Variants in DNAJB14 observed in about 807,000 individuals in gnomAD.
DNAJB14 encodes the protein dnaJ homolog subfamily B member 14.
A neutral mutation model predicts 48.4 loss-of-function variants in DNAJB14; 22 were observed. The observed-to-expected ratio is 0.45, with a 90% confidence interval of 0.32 to 0.65. The LOEUF (loss-of-function observed/expected upper bound fraction) is 0.65, where lower values mean the gene tolerates loss of function less well. Ranked by LOEUF, DNAJB14 falls within the 30% of genes least tolerant of loss-of-function variation. DNAJB14 has a pLI of 0.03. For synonymous variants in DNAJB14, 142 were observed against 158.7 expected (o/e 0.89, Z 0.79); for missense variants, 319 against 458.8 (o/e 0.70, Z 2.78).
At chr4:99,901,523 C>A (rs1725295057) in intron 7 of DNAJB14, among the ~76,000 whole-genome samples, 1 of 151,902 alleles carries the variant, frequency 6.6e-6, no homozygotes, top group South Asian at 2.1e-4. Context: ...TTCACTGTGG[C>A]CTTCTGTTAA....
At chr4:99,938,311 A>G (rs1726762404) in intron 1 of DNAJB14, among the ~76,000 whole-genome samples, 1 of 149,316 alleles carries the variant, frequency 6.7e-6, no homozygotes, top group Non-Finnish European at 1.5e-5. Flanking sequence ...ATAAAACATC[A>G]TGGCCACATA....
At chr4:99,929,999 T>C (rs1726402398) in intron 2 of DNAJB14, 1 of 152,260 alleles carries the variant, frequency 6.6e-6, no homozygotes, top group African/African-American at 2.4e-5. Flanking sequence ...AGTGTCTGCA[T>C]ATATATAAAG....
At chr4:99,905,865 T>C (rs1018160395) in intron 5 of DNAJB14, 159 bp from the exon 6 acceptor site, 1 of 778,118 alleles carries the variant, frequency 1.3e-6, no homozygotes, top group Admixed American at 6.3e-5. Context: ...TTCTTAAATA[T>C]AATTATCCAG....
At chr4:99,925,849 G>T (rs530111770) in intron 2 of DNAJB14, 6 of 152,076 alleles carry the variant, frequency 3.9e-5, no homozygotes, top group Non-Finnish European at 8.8e-5. Context: ...ATAAAGGAAG[G>T]CCTCACAGTT....
chr4:99,923,232 T>C (rs35945304), intron 2 of DNAJB14, 47 bp from the exon 3 acceptor site: 1 of 1,492,310 alleles, frequency 6.7e-7, no homozygotes, highest in Non-Finnish European at 9.1e-7. Context: ...AGGAAGACGG[T>C]CATGTAATAT....
chr4:99,933,818 A>G (rs1304357334), intron 1 of DNAJB14, among the ~76,000 whole-genome samples: 1 of 152,132 alleles, frequency 6.6e-6, no homozygotes, highest in East Asian at 1.9e-4. Context: ...GTGGGGAAAA[A>G]CCACCAACTG....
intron 1 of DNAJB14, among the ~76,000 whole-genome samples, chr4:99,933,210 C>T (rs1213447099): frequency 6.7e-6 from 1 of 149,106 alleles, no homozygotes; most frequent in East Asian, 2.0e-4. Context: ...TATTATGTCT[C>T]AATAATGTCT....
chr4:99,946,488 C>CTGGGCCTTCTCGCAA lies in DNAJB14; in HGVS notation c.83_84insTTGCGAGAAGGCCCA (p.Ala27_Gln28insHisCysGluLysAla). ...GCTTCTCGGCCTTCTGCAGGAAGCGCTGGGCCTTCTCGCGGTTGCCGGCGT... is the reference window on the plus strand; with the variant it reads ...GCTTCTCGGCCTTCTGCAGGAAGCGCTGGGCCTTCTCGCAATGGGCCTTCTCGCGGTTGCCGGCGT... On this transcript the variant is annotated inframe_insertion, in exon 1 of 8. Coordinates refer to ENST00000442697, the MANE Select transcript of DNAJB14 (RefSeq NM_001031723.4). The CTGGGCCTTCTCGCAA allele has an allele frequency of 1.2e-6, 2 of 1,613,758 alleles. No homozygotes were observed. Among genetic ancestry groups the CTGGGCCTTCTCGCAA allele is most frequent in the Non-Finnish European group, 1.7e-6 (2 of 1,179,790 alleles).
At chr4:99,908,556 TAATATTTTTCTCCTGCTTTCATGAA>T (rs546585123) in intron 4 of DNAJB14, among the ~76,000 whole-genome samples, 130 bp downstream of exon 4, 66 of 152,234 alleles carry the variant, frequency 4.3e-4, no homozygotes, top group African/African-American at 1.5e-3. Flanking sequence ...GTAATAACCC[TAATATTTTTCTCCTGCTTTCATGAA>T]AAACCATTAC....
intron 1 of DNAJB14, among the ~76,000 whole-genome samples, chr4:99,934,789 CAAA>C (rs1167945149): frequency 3.0e-4 from 2 of 6,770 alleles, no homozygotes; most frequent in African/African-American, 6.2e-4. Context: ...AAGACTGTCT[CAAA>C]AAAAAAAAAA....
At chr4:99,923,010 A>G in intron 3 of DNAJB14, 30 bp downstream of exon 3, 1 of 1,576,060 alleles carries the variant, frequency 6.3e-7, no homozygotes, top group Non-Finnish European at 8.6e-7. Flanking sequence ...AAGACAGCTT[A>G]GTAAAATTGC....
chr4:99,924,726 A>T, intron 2 of DNAJB14: 1 of 1,609,710 alleles, frequency 6.2e-7, no homozygotes, highest in Non-Finnish European at 8.5e-7. Flanking sequence ...GTGATAGAAA[A>T]AAAGGAAATG....
intron 3 of DNAJB14, among the ~76,000 whole-genome samples, chr4:99,910,848 T>G (rs1578216430): frequency 6.6e-6 from 1 of 152,084 alleles, no homozygotes; most frequent in Non-Finnish European, 1.5e-5. Context: ...TCATTTATTT[T>G]TCTTTAAACT....
intron 1 of DNAJB14, among the ~76,000 whole-genome samples, chr4:99,946,159 G>A (rs543757308): frequency 6.6e-6 from 1 of 152,226 alleles, no homozygotes; most frequent in African/African-American, 2.4e-5. Context: ...TCTCCTCCAG[G>A]GAGAATGAAA....
chr4:99,921,109 G>A (rs868192366), intron 3 of DNAJB14, among the ~76,000 whole-genome samples: 4 of 152,334 alleles, frequency 2.6e-5, no homozygotes, highest in African/African-American at 9.6e-5. Context: ...CGCCAAGCGT[G>A]TGTGGATTAC....
chr4:99,921,425 T>C (rs929420763), intron 3 of DNAJB14, among the ~76,000 whole-genome samples: 4 of 152,212 alleles, frequency 2.6e-5, no homozygotes, highest in African/African-American at 7.2e-5. Flanking sequence ...GTTGCTAACC[T>C]ATTCAAAACG....
chr4:99,936,791 G>A (rs1289025537), intron 1 of DNAJB14, among the ~76,000 whole-genome samples: 1 of 152,186 alleles, frequency 6.6e-6, no homozygotes, highest in Non-Finnish European at 1.5e-5. Flanking sequence ...GATAATGACA[G>A]ATTAAATCGG....
At position 99,920,510 on chromosome 4, in the gene DNAJB14, CT is replaced by C. The variant is rs577681605; in HGVS notation, c.451+2529del. On this transcript the variant is annotated intron_variant, in intron 3 of 7. Coordinates refer to ENST00000442697, the MANE Select transcript of DNAJB14 (RefSeq NM_001031723.4). ...AATAGTCTCTGAAATACTTGGGAAT[CT>C]TTGAAGATAATGTAGATGGGTATGT... 1.2e-4 allele frequency among the ~76,000 whole-genome samples: 19 copies of C among 152,274 alleles called. No individual in the cohort carries two copies. In the South Asian group the frequency reaches 3.9e-3, roughly 32 times the overall value.
chr4:99,939,582 A>G (rs1726817377), intron 1 of DNAJB14, among the ~76,000 whole-genome samples: 1 of 152,210 alleles, frequency 6.6e-6, no homozygotes, highest in South Asian at 2.1e-4. Flanking sequence ...GGCAGTTACT[A>G]TGATAATGAA....
Sources: allele counts gnomAD v4.1 joint callset (sites outside exome capture counted in the v4.1 genomes callset), GRCh38; gene constraint gnomAD v4.1.1; transcripts MANE v1.5; gene names NCBI Gene and HGNC (gene_info 2026-07-23, HGNC 2026-07-21).